TET1: variants seen among roughly 807,000 people sequenced by gnomAD.
TET1 encodes the protein tet methylcytosine dioxygenase 1, also known as methylcytosine dioxygenase TET1.
A neutral mutation model predicts 148.7 loss-of-function variants in TET1; 13 were observed. That is an observed-to-expected ratio of 0.09 (90% CI 0.06 to 0.14). The LOEUF is 0.14. Among genes scored for constraint, TET1 ranks in the 10% least tolerant of loss-of-function variants. The pLI is 1.00. For missense variants in TET1, 2,182 were observed against 2,553.8 expected (o/e 0.85, Z 3.14); for synonymous variants, 907 against 937.2 (o/e 0.97, Z 0.59).
chr10:68,603,582 A>C lies in TET1; in HGVS notation c.1968+2548A>C, dbSNP rs1231755615. Among the ~76,000 whole-genome samples, 9 of 152,208 alleles carry C rather than the reference A, an allele frequency of 5.9e-5. No individual in the cohort carries two copies. The East Asian group carries it at 1.5e-3, about 26-fold the overall frequency. On this transcript the variant is annotated intron_variant, in intron 3 of 11. Coordinates refer to ENST00000373644, the MANE Select transcript of TET1 (RefSeq NM_030625.3). ...GGCCAGGAGTTTGAGACCAGCCTGC[A>C]AAACCTAGCAAAATCCTGTCTCTAT...
intron 6 of TET1, 101 bp from the exon 7 acceptor site, chr10:68,666,944 A>T: frequency 9.4e-7 from 1 of 1,063,280 alleles, no homozygotes; most frequent in Non-Finnish European, 1.3e-6. Context: ...AATTAAGTAA[A>T]TAAACTAAAA....
chr10:68,627,921 G>A (rs1379219825), intron 3 of TET1, among the ~76,000 whole-genome samples: 1 of 151,976 alleles, frequency 6.6e-6, no homozygotes, highest in Non-Finnish European at 1.5e-5. Context: ...GGGCGGCTGA[G>A]CGAGACTATG....
chr10:68,675,084 C>A, intron 8 of TET1: 1 of 568,150 alleles, frequency 1.8e-6, no homozygotes, highest in Non-Finnish European at 2.8e-6. Context: ...TGGATATGAA[C>A]CACTAGTCCA....
intron 3 of TET1, among the ~76,000 whole-genome samples, chr10:68,605,334 G>A (rs1427070418): frequency 6.6e-6 from 1 of 152,040 alleles, no homozygotes; most frequent in Non-Finnish European, 1.5e-5. Context: ...TTAGCCAGGG[G>A]TAGTGGCGCA....
intron 2 of TET1, among the ~76,000 whole-genome samples, chr10:68,593,943 T>TTTTTTG (rs2053949574): frequency 7.6e-6 from 1 of 131,140 alleles, no homozygotes; most frequent in Non-Finnish European, 1.6e-5. Context: ...TTTTTTTTTT[T>TTTTTTG]GAGACAGAGT....
rs2055512774 is a variant in TET1 at position 68,686,543 on chromosome 10, T to A, written c.5240T>A (p.Phe1747Tyr). 2 of 1,614,012 alleles carry A rather than the reference T, an allele frequency of 1.2e-6. No homozygotes were observed. The highest frequency in any genetic ancestry group is 2.2e-5 in the South Asian group (2 of 91,084). ...CCCCGCCGCAAAAAAAGAACGTGTT[T>A]CACTCAGCCTGTTCCCCGTTCTGGA... Reference protein sequence around the residue: ...LAPRRKKRTCFTQPVPRSGKK... With the variant: ...LAPRRKKRTCYTQPVPRSGKK... The change falls in exon 11 of 12, where the codon TTC becomes TAC. Residue 1747 changes from phenylalanine (F) to tyrosine (Y), a missense_variant. Phe to Tyr is a conservative substitution (Grantham distance 22, BLOSUM62 3). Around this residue, in one of 11 missense-constraint regions of TET1, gnomAD observed 380 missense variants for 387.9 expected, o/e 0.98. Transcript: ENST00000373644.
intron 8 of TET1, among the ~76,000 whole-genome samples, chr10:68,678,807 A>T (rs2055398447): frequency 6.6e-6 from 1 of 152,200 alleles, no homozygotes; most frequent in Non-Finnish European, 1.5e-5. Context: ...TGTATCTGAC[A>T]TGCATGTTCA....
At position 68,645,696 on chromosome 10, in the gene TET1, A is replaced by G. The variant is rs752785633; in HGVS notation, c.2967A>G (p.Ala989=). The G allele has an allele frequency of 1.2e-6, 2 of 1,614,252 alleles. No individual in the cohort carries two copies. The highest frequency in any genetic ancestry group is 1.7e-6 in the Non-Finnish European group (2 of 1,180,038). The part of the protein sequence containing the change: ...NSHINSATNQ[A]STKSHEYSKV... ...ATATCAACTCAGCTACTAACCAAGC[A>G]TCCACAAAGTCACATGAATATTCAA... The change falls in exon 4 of 12, where the codon GCA becomes GCG. Residue 989 remains alanine (A), a synonymous_variant. Transcript: ENST00000373644.
At chr10:68,575,836 ACGGTGAAACCCCGTCT>A (rs1399883015) in intron 2 of TET1, among the ~76,000 whole-genome samples, 4 of 151,380 alleles carry the variant, frequency 2.6e-5, no homozygotes, top group African/African-American at 9.7e-5. Flanking sequence ...CCTGGCTAAC[ACGGTGAAACCCCGTCT>A]CTACTAAAAA....
At position 68,572,631 on chromosome 10, in the gene TET1, C is replaced by T. The variant is rs780768837; in HGVS notation, c.293C>T (p.Thr98Ile). 8 of 1,614,176 alleles carry T rather than the reference C, an allele frequency of 5.0e-6. No individual in the cohort carries two copies. In the South Asian group the frequency reaches 8.8e-5, roughly 18 times the overall value. Residue 98 changes from threonine to isoleucine, a missense_variant, in exon 2 of 12, where the codon ACC (threonine) becomes ATC (isoleucine). By Grantham distance (89) the Thr-to-Ile change is moderately conservative. Coordinates refer to ENST00000373644, the MANE Select transcript of TET1 (RefSeq NM_030625.3). The part of the protein sequence containing the change: ...EVLFQNPESL[T>I]CNGFTMALRS... ...CTTTTTCAGAACCCAGAGTCCTTAA[C>T]CTGCAATGGGTTTACAATGGCGCTA... is the stretch of plus-strand genomic sequence containing the variant.
intron 11 of TET1, among the ~76,000 whole-genome samples, chr10:68,688,375 C>T (rs1805625941): frequency 6.6e-6 from 1 of 151,368 alleles, no homozygotes. Context: ...TGAGAGCCAC[C>T]ACGCCCGGCT....
intron 3 of TET1, among the ~76,000 whole-genome samples, chr10:68,610,744 A>T (rs1162454135): frequency 6.6e-6 from 1 of 151,776 alleles, no homozygotes; most frequent in Non-Finnish European, 1.5e-5. Flanking sequence ...TGCAGCCTTG[A>T]CCTCCTGGAT....
At chr10:68,669,723 C>G (rs1041871931) in intron 7 of TET1, among the ~76,000 whole-genome samples, 1 of 151,450 alleles carries the variant, frequency 6.6e-6, no homozygotes, top group African/African-American at 2.4e-5. Flanking sequence ...AATCTTGGCT[C>G]ACTGCAACCT....
Position 68,686,529 on chromosome 10 carries a change from A to G in TET1, c.5226A>G (p.Lys1742=). The G allele has an allele frequency of 5.6e-6, 9 of 1,614,144 alleles. No homozygotes were observed. The highest frequency in any genetic ancestry group is 6.8e-6 in the Non-Finnish European group (8 of 1,180,030). ...GAIEVLAPRR[K]KRTCFTQPVP... ...TCGAGGTCCTGGCACCCCGCCGCAAAAAAAGAACGTGTTTCACTCAGCCTG... is the reference window on the plus strand; with the variant it reads ...TCGAGGTCCTGGCACCCCGCCGCAAGAAAAGAACGTGTTTCACTCAGCCTG... The change falls in exon 11 of 12, where the codon AAA becomes AAG. Residue 1742 remains lysine (K), a synonymous_variant. Coordinates refer to ENST00000373644, the MANE Select transcript of TET1 (RefSeq NM_030625.3).
intron 7 of TET1, among the ~76,000 whole-genome samples, chr10:68,669,117 T>C (rs539046081): frequency 2.0e-5 from 3 of 152,280 alleles, no homozygotes; most frequent in Middle Eastern, 3.4e-3. Flanking sequence ...TAGTGGTGTG[T>C]GCCTGTGTTC....
chr10:68,560,430 C>A lies in TET1; in HGVS notation c.-435C>A, dbSNP rs1489579126. Among the ~76,000 whole-genome samples the A allele has an allele frequency of 6.6e-6, 1 of 152,200 alleles. No individual in the cohort carries two copies. The highest frequency in any genetic ancestry group is 1.5e-5 in the Non-Finnish European group (1 of 68,016). On this transcript the variant is annotated 5_prime_UTR_variant, in exon 1 of 12. Coordinates refer to ENST00000373644, the MANE Select transcript of TET1 (RefSeq NM_030625.3). The stretch of plus-strand genomic sequence containing the variant: ...CAGTCTGCTCCGGCGCCGCTTTGTG[C>A]GCGCAGCCGCTGGCCCCTCTACTCC...
At position 68,672,906 on chromosome 10, in the gene TET1, C is replaced by T; in HGVS notation, c.4685C>T (p.Thr1562Ile). ...TTACAATCTTACAGTCGTACCTGTA[C>T]ATGTCAAGGAATTGATCCAGAGACT... ...RCTLNENRTC[T>I]CQGIDPETCG... The change falls in exon 8 of 12, where the codon ACA becomes ATA. Residue 1562 changes from threonine to isoleucine, a missense_variant. Transcript: ENST00000373644. 2.5e-6 allele frequency: 4 copies of T among 1,610,120 alleles called. No individual in the cohort carries two copies. Among genetic ancestry groups the T allele is most frequent in the Non-Finnish European group, 2.5e-6 (3 of 1,177,216 alleles).
chr10:68,579,358 C>G (rs2053767079), intron 2 of TET1, among the ~76,000 whole-genome samples: 1 of 152,220 alleles, frequency 6.6e-6, no homozygotes, highest in Non-Finnish European at 1.5e-5. Flanking sequence ...GCTCATCCAT[C>G]CAAATTCTCT....
At chr10:68,633,329 ATTTG>A (rs1393958136) in intron 3 of TET1, among the ~76,000 whole-genome samples, 1 of 151,366 alleles carries the variant, frequency 6.6e-6, no homozygotes, top group Non-Finnish European at 1.5e-5. Context: ...TGGTCTTTTA[ATTTG>A]TTTTTTTAAA....
Sources: gnomAD v4.1 joint callset for allele counts (sites outside exome capture counted in the v4.1 genomes callset) on GRCh38, gnomAD v4.1.1 for gene constraint, gnomAD v4.1.1 regional missense constraint, MANE v1.5 for transcripts, NCBI Gene and HGNC (gene_info 2026-07-23, HGNC 2026-07-21) for gene names.